RAB8B: variants seen among roughly 807,000 people sequenced by gnomAD.
RAB8B encodes the protein RAB8B, member RAS oncogene family.
A neutral mutation model predicts 32.0 loss-of-function variants in RAB8B; 11 were observed. The ratio of observed to expected loss-of-function variants is 0.34; its 90% confidence interval spans 0.22 to 0.57. The LOEUF is 0.57. Among genes scored for constraint, RAB8B ranks in the 20% least tolerant of loss-of-function variants. RAB8B has a pLI of 0.86. For missense variants in RAB8B, 190 were observed against 258.5 expected, an observed-to-expected ratio of 0.73 and a Z score of 1.82; for synonymous variants, 103 against 89.6, an observed-to-expected ratio of 1.15 and a Z score of -0.85.
At chr15:63,199,656 T>G (rs1027095499) in intron 1 of RAB8B, among the ~76,000 whole-genome samples, 3 of 152,166 alleles carry the variant, frequency 2.0e-5, no homozygotes, top group Non-Finnish European at 4.4e-5. Flanking sequence ...TTTGGGTTTT[T>G]TTTGTTTGTT....
intron 1 of RAB8B, among the ~76,000 whole-genome samples, chr15:63,204,628 G>C (rs898479422): frequency 1.3e-5 from 2 of 152,076 alleles, no homozygotes; most frequent in Admixed American, 1.3e-4. Context: ...CTTAAAACAT[G>C]GTAGCTGATT....
At position 63,267,276 on chromosome 15, in the gene RAB8B, A is replaced by G. The variant is rs957698451; in HGVS notation, c.*3657A>G. The G allele has an allele frequency of 2.0e-5, 3 of 152,672 alleles. No homozygotes were observed. Among genetic ancestry groups the G allele is most frequent in the Non-Finnish European group, 4.4e-5 (3 of 68,040 alleles). 9.5% of individuals were successfully genotyped at this position (152,672 alleles called of 1,614,324 possible). A position where few individuals can be genotyped will look rare whatever the true frequency, so the allele number is the denominator to read the frequency against. ...GTACAGAAATAAAAATTAGCAAACA[A>G]TTATTCTAGGGATATTTTCAGATTT... On this transcript the variant is annotated 3_prime_UTR_variant, in exon 8 of 8. Coordinates refer to ENST00000321437, the MANE Select transcript of RAB8B (RefSeq NM_016530.3).
chr15:63,258,889 A>G (rs2038179274), intron 5 of RAB8B, among the ~76,000 whole-genome samples: 1 of 152,072 alleles, frequency 6.6e-6, no homozygotes, highest in Non-Finnish European at 1.5e-5. Context: ...TGAGTCAGAA[A>G]AGGGGAGGAG....
At chr15:63,196,325 G>C (rs2037599810) in intron 1 of RAB8B, among the ~76,000 whole-genome samples, 1 of 152,156 alleles carries the variant, frequency 6.6e-6, no homozygotes. Context: ...AGCTGGTATT[G>C]ACATGAAAAA....
rs58765418 is a variant in RAB8B at position 63,197,370 on chromosome 15, C to CTTTT, written c.124+7640_124+7643dup. On this transcript the variant is annotated intron_variant, in intron 1 of 7. Transcript: ENST00000321437. Reference sequence around the variant, plus strand: ...TTTTCTTTCTTTCTTTCTTTCTTTTCTTTTTTTTTTTTTTTTTTTTTAAGA... The same window carrying CTTTT: ...TTTTCTTTCTTTCTTTCTTTCTTTTCTTTTTTTTTTTTTTTTTTTTTTTTTAAGA... Among the ~76,000 whole-genome samples, 123 of 61,434 alleles carry CTTTT rather than the reference C, an allele frequency of 2.0e-3. 1 individual carries two copies. The highest frequency in any genetic ancestry group is 5.4e-3 in the East Asian group (9 of 1,664). The allele number at this position is 61,434 out of a possible 152,430, so 40.3% of individuals were successfully genotyped here. A position where few individuals can be genotyped will look rare whatever the true frequency, so the allele number is the denominator to read the frequency against.
At position 63,259,600 on chromosome 15, in the gene RAB8B, A is replaced by C; in HGVS notation, c.415-27A>C. On this transcript the variant is annotated intron_variant, in intron 5 of 7. Transcript: ENST00000321437. The surrounding 1 kb of genome is among the most constrained non-coding windows in gnomAD (Gnocchi z 4.4). ...TATGTGTTCAAGTATCTTTTGCTAAATTTAAATATTTCTGTTTACTTTTCA... is the reference window on the plus strand; with the variant it reads ...TATGTGTTCAAGTATCTTTTGCTAACTTTAAATATTTCTGTTTACTTTTCA... The C allele has an allele frequency of 6.3e-7, 1 of 1,594,128 alleles. No individual in the cohort carries two copies. Among genetic ancestry groups the C allele is most frequent in the Non-Finnish European group, 8.6e-7 (1 of 1,162,000 alleles).
At chr15:63,204,782 AAACT>A (rs1454114469) in intron 1 of RAB8B, among the ~76,000 whole-genome samples, 22 of 152,180 alleles carry the variant, frequency 1.4e-4, no homozygotes, top group Admixed American at 1.4e-3. Context: ...TTTCATCTTT[AAACT>A]GTCTCAAGAG....
intron 1 of RAB8B, among the ~76,000 whole-genome samples, chr15:63,219,364 C>T (rs1381782270): frequency 6.6e-6 from 1 of 151,044 alleles, no homozygotes; most frequent in East Asian, 1.9e-4. Context: ...ACTTGACTTC[C>T]AGGATGTTCT....
chr15:63,255,454 C>G (rs1175397024), intron 3 of RAB8B, 53 bp from the exon 4 acceptor site: 1 of 1,236,104 alleles, frequency 8.1e-7, no homozygotes, highest in Non-Finnish European at 1.1e-6. Flanking sequence ...ACATTATATA[C>G]TATAACTTTA....
Position 63,196,456 on chromosome 15 carries a change from G to T in RAB8B, c.124+6708G>T, listed in dbSNP as rs77512346. 6.0e-4 allele frequency among the ~76,000 whole-genome samples: 91 copies of T among 152,344 alleles called. 1 individual carries two copies. The East Asian group carries it at 0.013, about 22-fold the overall frequency. On this transcript the variant is annotated intron_variant, in intron 1 of 7. Transcript: ENST00000321437. ...CCGTTCTAGCTTTGTGGGCTTTGGG[G>T]AGTCAGTTATCCTTCTAGGGCCTTA...
chr15:63,221,414 T>C (rs1192010702), intron 1 of RAB8B, among the ~76,000 whole-genome samples: 1 of 152,328 alleles, frequency 6.6e-6, no homozygotes, highest in African/African-American at 2.4e-5. Context: ...AGAAGTATTA[T>C]AAGCAAAAAG....
chr15:63,249,941 C>G (rs555679238), intron 3 of RAB8B, among the ~76,000 whole-genome samples: 1 of 151,190 alleles, frequency 6.6e-6, no homozygotes, highest in South Asian at 2.1e-4. Context: ...TCGAGACCAT[C>G]CTGGCTAACA....
intron 1 of RAB8B, chr15:63,223,000 G>A: frequency 2.2e-6 from 1 of 455,710 alleles, no homozygotes; most frequent in Non-Finnish European, 4.4e-6. Context: ...TAATGTCCTA[G>A]GCCTTCACAT....
intron 1 of RAB8B, among the ~76,000 whole-genome samples, chr15:63,191,254 G>A (rs1343367413): frequency 6.6e-6 from 1 of 152,210 alleles, no homozygotes; most frequent in Admixed American, 6.5e-5. Context: ...TTGGTAATAC[G>A]TGTGTTTAAA....
At chr15:63,224,313 T>G (rs2037871480) in intron 1 of RAB8B, among the ~76,000 whole-genome samples, 1 of 152,228 alleles carries the variant, frequency 6.6e-6, no homozygotes, top group Non-Finnish European at 1.5e-5. Flanking sequence ...AAGGTATTCT[T>G]CAAATGGCCA....
chr15:63,231,484 G>T (rs975318034), intron 1 of RAB8B, among the ~76,000 whole-genome samples: 10 of 98,502 alleles, frequency 1.0e-4, no homozygotes, highest in African/African-American at 3.6e-4. Flanking sequence ...TAAAATCAGG[G>T]ATTTGCGTGT....
In RAB8B at chr15:63,267,750, A is replaced by G. The variant is rs1567023802; in HGVS notation, c.*4131A>G. 1 of 152,192 alleles carries G rather than the reference A, an allele frequency of 6.6e-6. No individual in the cohort carries two copies. Among genetic ancestry groups the G allele is most frequent in the Non-Finnish European group, 1.5e-5 (1 of 68,044 alleles). 9.4% of individuals were successfully genotyped at this position (152,192 alleles called of 1,614,324 possible). A position where few individuals can be genotyped will look rare whatever the true frequency, so the allele number is the denominator to read the frequency against. On this transcript the variant is annotated 3_prime_UTR_variant, in exon 8 of 8. Transcript: ENST00000321437. ...TTTTTTATAATAATGTTCGTCTAAAATAAAAACTACATAATGAAAATGAAA... is the reference window on the plus strand; with the variant it reads ...TTTTTTATAATAATGTTCGTCTAAAGTAAAAACTACATAATGAAAATGAAA...
At chr15:63,262,769 C>G in intron 7 of RAB8B, 27 bp downstream of exon 7, 3 of 1,223,416 alleles carry the variant, frequency 2.5e-6, no homozygotes, top group South Asian at 1.7e-5. Flanking sequence ...ATTTTTATTT[C>G]CATTATGCTG....
At chr15:63,235,415 G>T (rs16946684) in intron 1 of RAB8B, among the ~76,000 whole-genome samples, 8,645 of 151,958 alleles carry the variant, frequency 0.057, 759 homozygotes, top group African/African-American at 0.19. Context: ...TGTTTTCCAG[G>T]TTACTAATAT....
Sources: gnomAD v4.1 joint callset for allele counts (sites outside exome capture counted in the v4.1 genomes callset) on GRCh38, gnomAD v4.1.1 for gene constraint, Gnocchi (gnomAD v3.1) non-coding constraint, MANE v1.5 for transcripts, NCBI Gene and HGNC (gene_info 2026-07-23, HGNC 2026-07-21) for gene names.